TPTE2: variants seen among roughly 807,000 people sequenced by gnomAD.
The protein encoded by TPTE2 is transmembrane phosphoinositide 3-phosphatase and tensin homolog 2, also known as phosphatidylinositol 3,4,5-trisphosphate 3-phosphatase TPTE2.
In TPTE2, 53 loss-of-function variants were observed where a neutral mutation model predicts 78.6. The observed-to-expected ratio is 0.67, with a 90% CI of 0.54 to 0.85. TPTE2 has a LOEUF of 0.85. TPTE2 is among the 40% of genes least tolerant of loss of function. TPTE2 has a pLI of 0.00. For synonymous variants in TPTE2, 175 were observed against 206.2 expected (o/e 0.85, Z 1.30); for missense variants, 461 against 623.0 (o/e 0.74, Z 2.77).
chr13:19,559,591 G>A, the TPTE2 span, among the ~76,000 whole-genome samples: 1 of 150,644 alleles, frequency 6.6e-6, no homozygotes, highest in African/African-American at 2.4e-5. Flanking sequence ...AGGGAGCATG[G>A]GCCTTTGCTC....
upstream of TPTE2, among the ~76,000 whole-genome samples, chr13:19,506,279 C>G (rs1869027428): frequency 7.1e-6 from 1 of 140,230 alleles, no homozygotes; most frequent in Admixed American, 7.4e-5. Flanking sequence ...TCACGCCATT[C>G]TCCTGCCTCA....
At chr13:19,487,623 G>A (rs1880739308) in intron 3 of TPTE2, among the ~76,000 whole-genome samples, 1 of 152,072 alleles carries the variant, frequency 6.6e-6, no homozygotes, top group Non-Finnish European at 1.5e-5. Flanking sequence ...CATTACTTGA[G>A]TTACAGCCAG....
chr13:19,445,372 T>G (rs1260246758), intron 13 of TPTE2, among the ~76,000 whole-genome samples: 3 of 152,116 alleles, frequency 2.0e-5, no homozygotes, highest in Non-Finnish European at 2.9e-5. Context: ...TATTAGTAAT[T>G]ATAGAAATGC....
At chr13:19,546,404 G>A in the TPTE2 span, among the ~76,000 whole-genome samples, 4 of 151,214 alleles carry the variant, frequency 2.6e-5, no homozygotes, top group African/African-American at 9.7e-5. Context: ...CAACACTTTG[G>A]GAAAAAAATA....
intron 10 of TPTE2, 149 bp downstream of exon 13, chr13:19,464,307 A>G (rs1466592792): frequency 8.5e-6 from 7 of 824,686 alleles, no homozygotes; most frequent in African/African-American, 3.4e-5. Context: ...CACTGGCACA[A>G]TTGTAACTGG....
intron 1 of TPTE2, among the ~76,000 whole-genome samples, chr13:19,522,995 A>G (rs1870264428): frequency 6.6e-6 from 1 of 152,130 alleles, no homozygotes; most frequent in Non-Finnish European, 1.5e-5. Context: ...CATTATGTTC[A>G]GCAATTGCCT....
chr13:19,455,163 G>A (rs1411378151), intron 10 of TPTE2, among the ~76,000 whole-genome samples: 1 of 152,156 alleles, frequency 6.6e-6, no homozygotes, highest in Non-Finnish European at 1.5e-5. Context: ...GGTGAGATGT[G>A]GTTCAGACCC....
At chr13:19,479,589 T>C (rs1402846163) in intron 4 of TPTE2, among the ~76,000 whole-genome samples, 1 of 152,170 alleles carries the variant, frequency 6.6e-6, no homozygotes, top group African/African-American at 2.4e-5. Context: ...TCATATTGCA[T>C]ATTGAGAAAT....
rs143066185 is a variant in TPTE2 at position 19,492,284 on chromosome 13, G to T, written c.119+566C>A. Among the ~76,000 whole-genome samples, 296 of 152,238 alleles carry T rather than the reference G, an allele frequency of 1.9e-3. 1 individual carries two copies. Among genetic ancestry groups the T allele is most frequent in the Middle Eastern group, 6.8e-3 (2 of 294 alleles). On this transcript the variant is annotated intron_variant, in intron 3 of 19. Transcript: ENST00000400230. The stretch of plus-strand genomic sequence containing the variant: ...GGTGGTGGGTTTGGGTTGGGTCTAG[G>T]CACCAACCTCACATGTGGACAGAGC...
At chr13:19,438,784 C>A (rs146742971) in intron 13 of TPTE2, among the ~76,000 whole-genome samples, 121 of 152,284 alleles carry the variant, frequency 7.9e-4, no homozygotes, top group South Asian at 4.6e-3. Flanking sequence ...AAGAAAATGG[C>A]AATTCCTCGG....
chr13:19,513,529 G>A (rs1355121314), intron 1 of TPTE2, among the ~76,000 whole-genome samples: 1 of 152,182 alleles, frequency 6.6e-6, no homozygotes, highest in Non-Finnish European at 1.5e-5. Context: ...GCAAAGGATT[G>A]AAAGGTAAAT....
chr13:19,465,141 T>C, intron 9 of TPTE2, 114 bp downstream of exon 12: 1 of 1,365,044 alleles, frequency 7.3e-7, no homozygotes, highest in Non-Finnish European at 1.0e-6. Context: ...CAGTGGCATA[T>C]ATTCTCAAGA....
the TPTE2 span, among the ~76,000 whole-genome samples, chr13:19,542,266 C>T: frequency 6.6e-6 from 1 of 152,082 alleles, no homozygotes; most frequent in African/African-American, 2.4e-5. Context: ...GCAATCCTTC[C>T]ATTTCCCTCC....
upstream of TPTE2, among the ~76,000 whole-genome samples, chr13:19,539,884 C>T (rs1871389315): frequency 6.6e-6 from 1 of 152,130 alleles, no homozygotes; most frequent in African/African-American, 2.4e-5. Flanking sequence ...GTGGCTCACG[C>T]CTGTAATCCC....
At chr13:19,504,275 A>G (rs1287898056), upstream of TPTE2, among the ~76,000 whole-genome samples, 1 of 152,140 alleles carries the variant, frequency 6.6e-6, no homozygotes, top group East Asian at 1.9e-4. Flanking sequence ...ATTCAGCTGC[A>G]GTTTCTATGT....
intron 1 of TPTE2, among the ~76,000 whole-genome samples, chr13:19,519,318 T>G (rs1403831309): frequency 6.6e-6 from 1 of 152,060 alleles, no homozygotes; most frequent in Non-Finnish European, 1.5e-5. Flanking sequence ...GCTTTCCTGT[T>G]CCACATAAAA....
At chr13:19,509,235 C>A (rs953555872) in intron 1 of TPTE2, among the ~76,000 whole-genome samples, 2 of 152,042 alleles carry the variant, frequency 1.3e-5, no homozygotes, top group African/African-American at 4.8e-5. Context: ...AAAAGAAGCA[C>A]AGGGCAAAGT....
rs1170791765 is a variant in TPTE2, at chr13:19,437,069, A to C, written c.1036-763T>G. ...CACACACACACACACACACACATAC[A>C]CCAATATTTAAACCTTTTGATATTT... On this transcript the variant is annotated intron_variant, in intron 14 of 19. Coordinates refer to ENST00000400230, the Ensembl canonical transcript of TPTE2. 3.3e-5 allele frequency among the ~76,000 whole-genome samples: 5 copies of C among 151,278 alleles called. No individual in the cohort carries two copies. The East Asian group carries it at 8.2e-4, about 25-fold the overall frequency.
At chr13:19,438,070 G>C (rs768642213) in intron 14 of TPTE2, 22 bp downstream of exon 17, 1 of 1,601,428 alleles carries the variant, frequency 6.2e-7, no homozygotes, top group Non-Finnish European at 8.5e-7. Flanking sequence ...ATAAGAGAAA[G>C]TTTGTAGAAC....
Sources: gnomAD v4.1 joint callset for allele counts (sites outside exome capture counted in the v4.1 genomes callset) on GRCh38, gnomAD v4.1.1 for gene constraint, MANE v1.5 for transcripts, NCBI Gene and HGNC (gene_info 2026-07-23, HGNC 2026-07-21) for gene names.